ZDHHC15: variants seen among roughly 807,000 people sequenced by gnomAD.
ZDHHC15 encodes the protein palmitoyltransferase ZDHHC15.
In ZDHHC15, 19 loss-of-function variants were observed where a neutral mutation model predicts 31.7. The observed-to-expected ratio is 0.60, with a 90% CI of 0.42 to 0.88. The LOEUF (loss-of-function observed/expected upper bound fraction) is 0.88. Among genes scored for constraint, ZDHHC15 ranks in the 40% least tolerant of loss-of-function variants. The pLI, the probability that ZDHHC15 is intolerant of heterozygous loss-of-function variation, is 0.00. For synonymous variants in ZDHHC15, 103 were observed against 90.0 expected (o/e 1.14, Z -0.82); for missense variants, 209 against 251.2 (o/e 0.83, Z 1.14).
At chrX:75,416,749 C>T (rs924061679) in intron 10 of ZDHHC15, among the ~76,000 whole-genome samples, 1 of 111,412 alleles carries the variant, frequency 9.0e-6, no homozygotes, top group African/African-American at 3.3e-5. Context: ...GAGAAAGGTG[C>T]AATGTTGCCC....
At chrX:75,406,164 G>A (rs1002656794) in intron 10 of ZDHHC15, among the ~76,000 whole-genome samples, 2 of 111,016 alleles carry the variant, frequency 1.8e-5, no homozygotes, top group Admixed American at 9.6e-5. Flanking sequence ...AATGGAAATG[G>A]TAGTACAACA....
rs2083014781 is a variant in ZDHHC15 at position 75,372,584 on chromosome X, C to T, written c.*394G>A. 9.0e-6 allele frequency: 1 copy of T among 111,156 alleles called. No homozygotes were observed. Among genetic ancestry groups the T allele is most frequent in the Non-Finnish European group, 1.9e-5 (1 of 52,963 alleles). 9.2% of individuals were successfully genotyped at this position (111,156 alleles called of 1,213,427 possible). On this transcript the variant is annotated 3_prime_UTR_variant, in exon 12 of 12. Coordinates refer to ENST00000373367, the MANE Select transcript of ZDHHC15 (RefSeq NM_144969.3). ...GATTCCCTTCAACACCAAAAAGGCC[C>T]TATATATGTGATTAATAATCTTTGT...
intron 3 of ZDHHC15, among the ~76,000 whole-genome samples, chrX:75,452,480 T>G (rs1219577639): frequency 8.1e-5 from 9 of 111,011 alleles, no homozygotes; most frequent in Non-Finnish European, 1.9e-5. Context: ...GACAGATCAA[T>G]GAGACAGAAG....
At chrX:75,442,971 G>A (rs1256751709) in intron 4 of ZDHHC15, among the ~76,000 whole-genome samples, 1 of 92,950 alleles carries the variant, frequency 1.1e-5, no homozygotes, top group Non-Finnish European at 2.1e-5. Flanking sequence ...GGGCGACAGA[G>A]CGAGACTCCG....
At chrX:75,518,804 TATACACACACACACAC>T (rs2085403541) in intron 1 of ZDHHC15, among the ~76,000 whole-genome samples, 1 of 23,759 alleles carries the variant, frequency 4.2e-5, no homozygotes, top group Non-Finnish European at 7.4e-5. Flanking sequence ...TATATATATA[TATACACACACACACAC>T]ACACACACAC....
In ZDHHC15 at chrX:75,447,388, A is replaced by G. The variant is rs773366732; in HGVS notation, c.379+3414T>C. Among the ~76,000 whole-genome samples the G allele has an allele frequency of 2.7e-5, 3 of 112,563 alleles. No individual in the cohort carries two copies. In the South Asian group the frequency reaches 1.1e-3, roughly 41 times the overall value. On this transcript the variant is annotated intron_variant, in intron 4 of 11. Coordinates refer to ENST00000373367, the MANE Select transcript of ZDHHC15 (RefSeq NM_144969.3). ...CTTATCCACCATCATGATATTCCAC[A>G]CAGCATTACATCTGATCAAGGAACT...
chrX:75,507,398 C>T (rs191603334), intron 1 of ZDHHC15, among the ~76,000 whole-genome samples: 1 of 110,139 alleles, frequency 9.1e-6, no homozygotes, highest in South Asian at 3.8e-4. Context: ...AAATTACATA[C>T]TTTTGAGGAC....
chrX:75,468,333 C>T (rs1048228856), intron 3 of ZDHHC15, among the ~76,000 whole-genome samples: 8 of 111,783 alleles, frequency 7.2e-5, no homozygotes, highest in Middle Eastern at 4.6e-3. Context: ...GCATGAGCCA[C>T]GAGCCCAGCC....
chrX:75,454,752 C>G (rs908418052), intron 3 of ZDHHC15, among the ~76,000 whole-genome samples: 1 of 110,862 alleles, frequency 9.0e-6, no homozygotes, highest in Non-Finnish European at 1.9e-5. Context: ...TACCCTAGAA[C>G]TTAAAGTATA....
At chrX:75,467,409 G>T (rs2084424124) in intron 3 of ZDHHC15, among the ~76,000 whole-genome samples, 1 of 111,627 alleles carries the variant, frequency 9.0e-6, no homozygotes, top group Non-Finnish European at 1.9e-5. Flanking sequence ...GTCAGGCCTG[G>T]ATGCCCTAAT....
At chrX:75,482,933 C>G (rs2084713800) in intron 2 of ZDHHC15, among the ~76,000 whole-genome samples, 1 of 107,654 alleles carries the variant, frequency 9.3e-6, no homozygotes, top group Non-Finnish European at 1.9e-5. Flanking sequence ...CCTCGAGAAG[C>G]TGGTTAACCT....
At chrX:75,399,022 C>A (rs1299477941) in intron 10 of ZDHHC15, among the ~76,000 whole-genome samples, 2 of 111,991 alleles carry the variant, frequency 1.8e-5, no homozygotes, top group African/African-American at 6.5e-5. Context: ...GGACAAGTTG[C>A]CATGTTTGAT....
At chrX:75,426,326 G>T (rs1371201948) in intron 7 of ZDHHC15, among the ~76,000 whole-genome samples, 6 of 111,644 alleles carry the variant, frequency 5.4e-5, no homozygotes, top group Non-Finnish European at 1.1e-4. Flanking sequence ...TCAGTCCACA[G>T]TCTGTCTGGC....
chrX:75,510,739 A>T (rs1210211950), intron 1 of ZDHHC15, among the ~76,000 whole-genome samples: 1 of 69,813 alleles, frequency 1.4e-5, no homozygotes, highest in African/African-American at 5.4e-5. Context: ...CCCCGACCCC[A>T]CCACAGTCCC....
chrX:75,475,824 CAAT>C (rs1475545375), intron 3 of ZDHHC15, among the ~76,000 whole-genome samples: 2 of 111,914 alleles, frequency 1.8e-5, no homozygotes, highest in Non-Finnish European at 3.8e-5. Context: ...TACGTTTTAA[CAAT>C]ATTAACTCTT....
At chrX:75,508,866 G>A (rs1386423203) in intron 1 of ZDHHC15, among the ~76,000 whole-genome samples, 1 of 111,195 alleles carries the variant, frequency 9.0e-6, no homozygotes, top group African/African-American at 3.3e-5. Context: ...GTATCTCATT[G>A]TGGTTTTGAT....
chrX:75,496,106 A>C (rs1038579153), intron 2 of ZDHHC15, among the ~76,000 whole-genome samples: 6 of 110,908 alleles, frequency 5.4e-5, no homozygotes, highest in African/African-American at 2.0e-4. Context: ...TGTCTTCAAG[A>C]GTCTCACCTA....
chrX:75,373,552 C>T lies in ZDHHC15; in HGVS notation c.*33-607G>A, dbSNP rs373282697. ...TAAAAAATTCATACCAGTAATTTTGCTTCCAGGATTCTATCCTATGGAAAT... is the reference window on the plus strand; with the variant it reads ...TAAAAAATTCATACCAGTAATTTTGTTTCCAGGATTCTATCCTATGGAAAT... On this transcript the variant is annotated intron_variant, in intron 11 of 11. Coordinates refer to ENST00000373367, the MANE Select transcript of ZDHHC15 (RefSeq NM_144969.3). 1.2e-4 allele frequency among the ~76,000 whole-genome samples: 13 copies of T among 111,439 alleles called. No homozygotes were observed. The East Asian group carries it at 1.4e-3, about 12-fold the overall frequency.
chrX:75,474,265 C>G lies in ZDHHC15; in HGVS notation c.258+4626G>C, dbSNP rs773659834. 3.2e-4 allele frequency among the ~76,000 whole-genome samples: 35 copies of G among 109,526 alleles called. 1 individual carries two copies. The highest frequency in any genetic ancestry group is 1.4e-3 in the Admixed American group (14 of 10,085). On this transcript the variant is annotated intron_variant, in intron 3 of 11. Transcript: ENST00000373367. ...ACGTGAAAAGACTAGACTGGCCTAG[C>G]CTCCAAGCCTCGATCTTTCTCCTGT...
Sources: gnomAD v4.1 joint callset for allele counts (sites outside exome capture counted in the v4.1 genomes callset) on GRCh38, gnomAD v4.1.1 for gene constraint, MANE v1.5 for transcripts, NCBI Gene and HGNC (gene_info 2026-07-23, HGNC 2026-07-21) for gene names.